Variants in RBMS3 observed in about 807,000 individuals in gnomAD.
RBMS3 encodes RNA binding motif single stranded interacting protein 3, also known as RNA-binding motif, single-stranded-interacting protein 3.
In RBMS3, 27 loss-of-function variants were observed where a neutral mutation model predicts 66.8. That is an observed-to-expected ratio of 0.40 (90% CI 0.30 to 0.56). The LOEUF (loss-of-function observed/expected upper bound fraction) is 0.56, where lower values mean the gene tolerates loss of function less well. RBMS3 is among the 20% of genes least tolerant of loss of function. The pLI is 0.40. For synonymous variants in RBMS3, 188 were observed against 183.0 expected (o/e 1.03, Z -0.22); for missense variants, 513 against 549.5 (o/e 0.93, Z 0.66).
At chr3:29,671,065 A>G (rs2050979827) in intron 4 of RBMS3, among the ~76,000 whole-genome samples, 1 of 152,178 alleles carries the variant, frequency 6.6e-6, no homozygotes, top group South Asian at 2.1e-4. Context: ...CAGAGGAAGG[A>G]TCAGACAGCA....
At chr3:29,518,667 T>C (rs1459429848) in intron 3 of RBMS3, among the ~76,000 whole-genome samples, 2 of 152,228 alleles carry the variant, frequency 1.3e-5, no homozygotes, top group Non-Finnish European at 2.9e-5. Context: ...CATACCACTT[T>C]CTTTATTCAT....
intron 1 of RBMS3, among the ~76,000 whole-genome samples, chr3:29,342,122 A>G (rs2036314597): frequency 6.6e-6 from 1 of 152,206 alleles, no homozygotes; most frequent in African/African-American, 2.4e-5. Context: ...TTTTGAAGTA[A>G]CAACATGGAA....
intron 3 of RBMS3, among the ~76,000 whole-genome samples, chr3:29,580,541 C>T (rs1287161225): frequency 1.3e-5 from 2 of 151,978 alleles, no homozygotes; most frequent in Non-Finnish European, 2.9e-5. Context: ...TAAACATAAA[C>T]TCCACTGCAT....
At chr3:29,293,568 T>TCGTG (rs1339655600) in intron 1 of RBMS3, among the ~76,000 whole-genome samples, 1 of 151,816 alleles carries the variant, frequency 6.6e-6, no homozygotes, top group Non-Finnish European at 1.5e-5. Flanking sequence ...TTGTTATTAT[T>TCGTG]CGTGGTCCAT....
intron 3 of RBMS3, among the ~76,000 whole-genome samples, chr3:29,531,806 A>G (rs751842169): frequency 4.6e-5 from 7 of 152,212 alleles, no homozygotes; most frequent in Non-Finnish European, 8.8e-5. Flanking sequence ...AAACTTCAGG[A>G]ACAAAAATAG....
At chr3:29,880,970 C>T (rs73055707) in intron 7 of RBMS3, among the ~76,000 whole-genome samples, 4,788 of 152,086 alleles carry the variant, frequency 0.031, 115 homozygotes, top group Middle Eastern at 0.11. Flanking sequence ...ACTCCTGTTC[C>T]CCAATCACTC....
At chr3:29,333,635 G>T (rs558181212) in intron 1 of RBMS3, among the ~76,000 whole-genome samples, 2 of 152,104 alleles carry the variant, frequency 1.3e-5, no homozygotes, top group Non-Finnish European at 2.9e-5. Flanking sequence ...TGGAACTAGG[G>T]TGGGTAAGTC....
intron 2 of RBMS3, among the ~76,000 whole-genome samples, chr3:29,461,793 A>G (rs9864249): frequency 0.63 from 95,401 of 151,214 alleles, 31,238 homozygotes; most frequent in African/African-American, 0.8. Flanking sequence ...TCACTCTGTC[A>G]CCTAGGCTGG....
At chr3:29,587,741 T>A (rs1364846853) in intron 4 of RBMS3, among the ~76,000 whole-genome samples, 1 of 151,996 alleles carries the variant, frequency 6.6e-6, no homozygotes, top group African/African-American at 2.4e-5. Context: ...AACTGAAGTG[T>A]ACCGTGTCTG....
chr3:29,318,653 A>G (rs961682187), intron 1 of RBMS3, among the ~76,000 whole-genome samples: 2 of 151,952 alleles, frequency 1.3e-5, no homozygotes, highest in African/African-American at 4.8e-5. Context: ...GTAGGTCATC[A>G]TGGATTAGCT....
chr3:29,365,596 G>A (rs1039592455), intron 1 of RBMS3, among the ~76,000 whole-genome samples: 5 of 151,890 alleles, frequency 3.3e-5, no homozygotes, highest in Admixed American at 2.0e-4. Context: ...CTTTGTATTC[G>A]TTCCCTCCGG....
chr3:29,339,102 CT>C (rs1336995383), intron 1 of RBMS3, among the ~76,000 whole-genome samples: 1 of 152,162 alleles, frequency 6.6e-6, no homozygotes, highest in African/African-American at 2.4e-5. Context: ...GTGGTATCCC[CT>C]GACAGGGCTG....
At chr3:29,567,435 C>T (rs2149060528) in intron 3 of RBMS3, among the ~76,000 whole-genome samples, 1 of 152,252 alleles carries the variant, frequency 6.6e-6, no homozygotes, top group Non-Finnish European at 1.5e-5. Flanking sequence ...TAATGAAATG[C>T]TTGTGATGGT....
intron 1 of RBMS3, among the ~76,000 whole-genome samples, chr3:29,374,050 T>C (rs1324403571): frequency 6.6e-6 from 1 of 152,102 alleles, no homozygotes; most frequent in African/African-American, 2.4e-5. Context: ...GAGTTTACTG[T>C]GAGGGCTGAG....
chr3:29,570,196 G>A (rs1157125935), intron 3 of RBMS3, among the ~76,000 whole-genome samples: 1 of 151,804 alleles, frequency 6.6e-6, no homozygotes, highest in South Asian at 2.1e-4. Flanking sequence ...TTTAATTTTT[G>A]TGAGTACATA....
intron 3 of RBMS3, among the ~76,000 whole-genome samples, chr3:29,528,466 A>T (rs1171249630): frequency 1.3e-5 from 2 of 152,262 alleles, no homozygotes; most frequent in East Asian, 3.9e-4. Flanking sequence ...GTAGTACTAG[A>T]TCTTCTAAAA....
chr3:29,593,189 A>G (rs1438162848), intron 4 of RBMS3, among the ~76,000 whole-genome samples: 2 of 152,146 alleles, frequency 1.3e-5, no homozygotes, highest in Non-Finnish European at 2.9e-5. Context: ...TGTATTCAAT[A>G]GAATATTCTA....
chr3:29,347,531 G>T (rs1490972807), intron 1 of RBMS3, among the ~76,000 whole-genome samples: 1 of 152,146 alleles, frequency 6.6e-6, no homozygotes, highest in Non-Finnish European at 1.5e-5. Context: ...ATGGGTGTGT[G>T]CATTCGCGAT....
intron 4 of RBMS3, among the ~76,000 whole-genome samples, chr3:29,591,705 A>T (rs1397312754): frequency 6.6e-6 from 1 of 152,224 alleles, no homozygotes. Context: ...ATTACCAGCC[A>T]GTCCTTGAGT....
Sources: gnomAD v4.1 joint callset for allele counts (sites outside exome capture counted in the v4.1 genomes callset) on GRCh38, gnomAD v4.1.1 for gene constraint, MANE v1.5 for transcripts, NCBI Gene and HGNC (gene_info 2026-07-23, HGNC 2026-07-21) for gene names.